The following HIPK1 variants were observed in gnomAD, a reference collection of about 807,000 sequenced individuals.
HIPK1 encodes homeodomain interacting protein kinase 1.
HIPK1 carries 28 observed loss-of-function variants against 117.1 expected under a neutral mutation model. That is an observed-to-expected ratio of 0.24 (90% confidence interval 0.18 to 0.33). The LOEUF (loss-of-function observed/expected upper bound fraction) is 0.33. Ranked by LOEUF, HIPK1 falls within the 10% of genes least tolerant of loss-of-function variation. The pLI is 1.00. For missense variants in HIPK1, 1,122 were observed against 1,475.1 expected (o/e 0.76, Z 3.92); for synonymous variants, 605 against 562.5 (o/e 1.08, Z -1.07).
At chr1:113,942,691 A>G (rs1670730496) in intron 2 of HIPK1, among the ~76,000 whole-genome samples, 1 of 152,192 alleles carries the variant, frequency 6.6e-6, no homozygotes, top group Non-Finnish European at 1.5e-5. Flanking sequence ...CTACCATTTT[A>G]ATATATAATA....
In HIPK1 at chr1:113,929,491, G is replaced by A; in HGVS notation, c.-44G>A. ...CGACTCCTACTGCAATCAGTACTAT[G>A]CGATCGTCCTAGAGAGTCCATTCAG... On this transcript the variant is annotated 5_prime_UTR_variant, in exon 1 of 16. The change abolishes an upstream ATG in the 5' untranslated region. Transcript: ENST00000426820. The A allele has an allele frequency of 7.8e-7, 1 of 1,289,410 alleles. No homozygotes were observed. Among genetic ancestry groups the A allele is most frequent in the Non-Finnish European group, 1.0e-6 (1 of 988,852 alleles). The allele number at this position is 1,289,410 out of a possible 1,614,324, so 79.9% of individuals were successfully genotyped here.
intron 2 of HIPK1, among the ~76,000 whole-genome samples, chr1:113,948,860 C>T (rs1188516552): frequency 6.6e-6 from 1 of 151,798 alleles, no homozygotes; most frequent in African/African-American, 2.4e-5. Flanking sequence ...TTTTCTGAGA[C>T]GGAGTTTCGC....
intron 1 of HIPK1, chr1:113,929,870 C>T (rs1571627538): frequency 1.8e-5 from 18 of 987,510 alleles, no homozygotes; most frequent in Non-Finnish European, 2.2e-5. Flanking sequence ...TGCGGGGCCC[C>T]AGATCTCGTC....
At chr1:113,948,877 G>A (rs1292395286) in intron 2 of HIPK1, among the ~76,000 whole-genome samples, 1 of 151,630 alleles carries the variant, frequency 6.6e-6, no homozygotes, top group African/African-American at 2.4e-5. Context: ...TCGCTCTTAC[G>A]CCCAGTCTGG....
intron 14 of HIPK1, among the ~76,000 whole-genome samples, chr1:113,970,544 C>T (rs1193244678): frequency 6.6e-6 from 1 of 152,202 alleles, no homozygotes; most frequent in Non-Finnish European, 1.5e-5. Context: ...GAGATGTAGA[C>T]AGGACTTGAT....
At chr1:113,969,034 C>CA (rs978104666) in intron 13 of HIPK1, among the ~76,000 whole-genome samples, 29 of 151,474 alleles carry the variant, frequency 1.9e-4, no homozygotes, top group Non-Finnish European at 3.4e-4. Flanking sequence ...CGCCCCCACC[C>CA]AAAAAAAAGG....
intron 8 of HIPK1, among the ~76,000 whole-genome samples, chr1:113,960,921 G>C (rs1248665112): frequency 6.6e-6 from 1 of 152,154 alleles, no homozygotes; most frequent in Non-Finnish European, 1.5e-5. Context: ...TTAGGTCTAT[G>C]AGTTATGCTC....
Position 113,970,127 on chromosome 1 carries a change from C to T in HIPK1, c.2943C>T (p.Gly981=), listed in dbSNP as rs1274877806. The T allele has an allele frequency of 1.2e-6, 2 of 1,614,152 alleles. No individual in the cohort carries two copies. Among genetic ancestry groups the T allele is most frequent in the Admixed American group, 3.3e-5 (2 of 60,018 alleles). The change falls in exon 14 of 16, where the codon GGC becomes GGT. Residue 981 remains glycine, a synonymous_variant. Coordinates refer to ENST00000426820, the MANE Select transcript of HIPK1 (RefSeq NM_198268.3). Reference sequence around the variant, plus strand: ...GCAGAGTTGTGGCAGATGGCACTGGCACCCGCACTATCATTGTGCCTCCAC... The same window carrying T: ...GCAGAGTTGTGGCAGATGGCACTGGTACCCGCACTATCATTGTGCCTCCAC... ...GPGRVVADGT[G]TRTIIVPPLK...
intron 2 of HIPK1, among the ~76,000 whole-genome samples, chr1:113,947,132 C>G (rs12087525): frequency 0.016 from 2,414 of 152,232 alleles, 72 homozygotes; most frequent in African/African-American, 0.055. Context: ...ATTATCAGCT[C>G]ACATAAATTT....
In HIPK1 at chr1:113,974,177, A is replaced by G. The variant is rs1008541216; in HGVS notation, c.*665A>G. 2.0e-5 allele frequency: 3 copies of G among 152,436 alleles called. No individual in the cohort carries two copies. Among genetic ancestry groups the G allele is most frequent in the East Asian group, 1.9e-4 (1 of 5,330 alleles). The allele number at this position is 152,436 out of a possible 1,614,324, so 9.4% of individuals were successfully genotyped here. A position where few individuals can be genotyped will look rare whatever the true frequency, so the allele number is the denominator to read the frequency against. ...CTGTGTTACTATTGAGATTCTCTCA[A>G]TTGCTCCTGTGTTTGTTATAAAGTA... is the stretch of plus-strand genomic sequence containing the variant. On this transcript the variant is annotated 3_prime_UTR_variant, in exon 16 of 16. Coordinates refer to ENST00000426820, the MANE Select transcript of HIPK1 (RefSeq NM_198268.3).
chr1:113,973,589 T>C lies in HIPK1; in HGVS notation c.*77T>C, dbSNP rs1672990521. 5.4e-6 allele frequency: 8 copies of C among 1,486,858 alleles called. No individual in the cohort carries two copies. The highest frequency in any genetic ancestry group is 1.4e-5 in the African/African-American group (1 of 71,180). 92.1% of individuals were successfully genotyped at this position (1,486,858 alleles called of 1,614,324 possible). On this transcript the variant is annotated 3_prime_UTR_variant, in exon 16 of 16. Transcript: ENST00000426820. ...TTCTTAATATTGGGCTATGGAGAGA[T>C]CCTCCTTTACCCTCTTGAAATTTCT...
At chr1:113,969,110 G>C (rs370635695) in intron 13 of HIPK1, among the ~76,000 whole-genome samples, 1 of 152,204 alleles carries the variant, frequency 6.6e-6, no homozygotes, top group East Asian at 1.9e-4. Context: ...GCATACGGAA[G>C]AGGGAATGAC....
chr1:113,947,116 G>A (rs1367795480), intron 2 of HIPK1, among the ~76,000 whole-genome samples: 1 of 152,100 alleles, frequency 6.6e-6, no homozygotes, highest in Non-Finnish European at 1.5e-5. Context: ...CTGATAATAT[G>A]CCAGTATTAT....
chr1:113,958,606 A>G (rs1157999024), intron 8 of HIPK1, among the ~76,000 whole-genome samples: 1 of 152,240 alleles, frequency 6.6e-6, no homozygotes, highest in African/African-American at 2.4e-5. Context: ...GTCAATATGC[A>G]AAATCTATAC....
chr1:113,941,532 C>A lies in HIPK1; in HGVS notation c.1076+73C>A. 9.1e-7 allele frequency: 1 copy of A among 1,100,436 alleles called. No individual in the cohort carries two copies. The highest frequency in any genetic ancestry group is 1.3e-6 in the Non-Finnish European group (1 of 758,352). 68.2% of individuals were successfully genotyped at this position (1,100,436 alleles called of 1,614,324 possible). A position where few individuals can be genotyped will look rare whatever the true frequency, so the allele number is the denominator to read the frequency against. On this transcript the variant is annotated intron_variant, in intron 2 of 15. Coordinates refer to ENST00000426820, the MANE Select transcript of HIPK1 (RefSeq NM_198268.3). This position sits in a 1 kb window ranked among gnomAD's most constrained non-coding sequence, Gnocchi z 4.9. ...TTATATTTAACATATACCCCGTAGG[C>A]TACATATAGCAATGAATTTGTTTAT...
intron 2 of HIPK1, among the ~76,000 whole-genome samples, chr1:113,949,600 C>CTTTT (rs11465018): frequency 3.7e-5 from 5 of 133,372 alleles, no homozygotes; most frequent in Non-Finnish European, 6.3e-5. Flanking sequence ...CTTTTCTTTT[C>CTTTT]TTTTTTTTTT....
chr1:113,966,213 C>T lies in HIPK1; in HGVS notation c.2322C>T (p.Val774=). The change falls in exon 11 of 16, where the codon GTC becomes GTT. Residue 774 remains valine (V), a synonymous_variant. Transcript: ENST00000426820. ...CTGGGGTAGCTCTACACAACTCTGT[C>T]CAGCCCACAGCAATGATTCCAGAGG... ...QLPGVALHNS[V]QPTAMIPEAM... is the part of the protein sequence containing the mutation. 2 of 1,614,152 alleles carry T rather than the reference C, an allele frequency of 1.2e-6. No individual in the cohort carries two copies. The highest frequency in any genetic ancestry group is 1.7e-6 in the Non-Finnish European group (2 of 1,179,996).
intron 1 of HIPK1, among the ~76,000 whole-genome samples, chr1:113,939,059 T>C (rs1448346166): frequency 6.6e-6 from 1 of 152,032 alleles, no homozygotes; most frequent in East Asian, 1.9e-4. Flanking sequence ...GTAGACACTA[T>C]CATTTTACAT....
At chr1:113,960,629 A>G (rs1353341183) in intron 8 of HIPK1, among the ~76,000 whole-genome samples, 1 of 152,202 alleles carries the variant, frequency 6.6e-6, no homozygotes, top group Non-Finnish European at 1.5e-5. Flanking sequence ...GCATGTATCC[A>G]TGTCCTACTA....
Sources: allele counts gnomAD v4.1 joint callset (sites outside exome capture counted in the v4.1 genomes callset), GRCh38; gene constraint gnomAD v4.1.1; non-coding constraint Gnocchi (gnomAD v3.1); transcripts MANE v1.5; gene names NCBI Gene and HGNC (gene_info 2026-07-23, HGNC 2026-07-21).